Variants in PLA2R1 observed in about 807,000 individuals in gnomAD.
PLA2R1 encodes the protein secretory phospholipase A2 receptor.
A neutral mutation model predicts 195.9 loss-of-function variants in PLA2R1; 158 were observed. The ratio of observed to expected loss-of-function variants is 0.81; its 90% CI spans 0.71 to 0.92. The LOEUF (loss-of-function observed/expected upper bound fraction) is 0.92, where lower values mean the gene tolerates loss of function less well. Ranked by LOEUF, PLA2R1 falls within the 40% of genes least tolerant of loss-of-function variation. PLA2R1 has a pLI of 0.00. For missense variants in PLA2R1, 1,626 were observed against 1,764.6 expected (o/e 0.92, Z 1.41); for synonymous variants, 586 against 598.2 (o/e 0.98, Z 0.30).
At position 159,955,184 on chromosome 2, in the gene PLA2R1, C is replaced by A; in HGVS notation, c.3301+15G>T. On this transcript the variant is annotated intron_variant, in intron 23 of 29. Coordinates refer to ENST00000283243, the MANE Select transcript of PLA2R1 (RefSeq NM_007366.5). ...CTTTGGAAATGAAAGGAATAAAAACCCAAATATTTCTTACCTTGCATTTTT... is the reference window on the plus strand; with the variant it reads ...CTTTGGAAATGAAAGGAATAAAAACACAAATATTTCTTACCTTGCATTTTT... The A allele has an allele frequency of 6.3e-7, 1 of 1,589,320 alleles. No individual in the cohort carries two copies. The highest frequency in any genetic ancestry group is 2.3e-5 in the East Asian group (1 of 43,694).
chr2:159,976,781 T>C (rs1175597424), intron 15 of PLA2R1, 61 bp from the exon 16 acceptor site: 5 of 1,218,178 alleles, frequency 4.1e-6, no homozygotes, highest in Non-Finnish European at 4.9e-6. Context: ...TGTCTGTGAA[T>C]TACTTCAGCT....
At chr2:159,926,502 G>A in the PLA2R1 span, among the ~76,000 whole-genome samples, 2 of 152,116 alleles carry the variant, frequency 1.3e-5, no homozygotes, top group Admixed American at 1.3e-4. Context: ...CTGAACATGT[G>A]TTTAATTGGA....
In PLA2R1 at chr2:159,987,254, C is replaced by T; in HGVS notation, c.1939G>A (p.Val647Ile). ...FKAMSLCKQP[V>I]ENQEKAEYEE... is the part of the protein sequence containing the mutation. ...TACTCTGCTTTTTCCTGATTTTCAACTGGCTGCTTGCACAAGGACATTGCC... is the reference window on the plus strand; with the variant it reads ...TACTCTGCTTTTTCCTGATTTTCAATTGGCTGCTTGCACAAGGACATTGCC... Residue 647 changes from valine to isoleucine, a missense_variant, in exon 12 of 30, where the codon GTT becomes ATT. By Grantham distance (29) the Val-to-Ile change is conservative. Coordinates refer to ENST00000283243, the MANE Select transcript of PLA2R1 (RefSeq NM_007366.5). The T allele has an allele frequency of 6.2e-7, 1 of 1,613,758 alleles. No individual in the cohort carries two copies. The highest frequency in any genetic ancestry group is 8.5e-7 in the Non-Finnish European group (1 of 1,179,942).
chr2:160,061,243 T>C (rs1695929641), intron 1 of PLA2R1, among the ~76,000 whole-genome samples: 1 of 152,230 alleles, frequency 6.6e-6, no homozygotes, highest in Admixed American at 6.5e-5. Context: ...ATATATGGAC[T>C]TCTGCACTTA....
intron 11 of PLA2R1, among the ~76,000 whole-genome samples, chr2:159,992,623 C>A (rs1021091748): frequency 6.6e-6 from 1 of 150,768 alleles, no homozygotes; most frequent in Non-Finnish European, 1.5e-5. Context: ...CCATCCCCAT[C>A]AAGCTACCAA....
At position 160,028,861 on chromosome 2, in the gene PLA2R1, T is replaced by C. The variant is rs370306908; in HGVS notation, c.944A>G (p.Asn315Ser). 3 of 1,608,596 alleles carry C rather than the reference T, an allele frequency of 1.9e-6. No individual in the cohort carries two copies. The highest frequency in any genetic ancestry group is 2.6e-6 in the Non-Finnish European group (3 of 1,174,930). The change falls in exon 5 of 30, where the codon AAT (asparagine) becomes AGT (serine). Residue 315 changes from asparagine to serine, a missense_variant. Transcript: ENST00000283243. ...AACACTGCGGGTACCTGGGCTCCAATTCAGATAGTTGAGCGGCGTTCCATC... is the reference window on the plus strand; with the variant it reads ...AACACTGCGGGTACCTGGGCTCCAACTCAGATAGTTGAGCGGCGTTCCATC... ...WSDGTPLNYL[N>S]WSPEVNFEPF...
intron 20 of PLA2R1, among the ~76,000 whole-genome samples, chr2:159,957,364 A>AT (rs1328844885): frequency 6.6e-6 from 1 of 151,804 alleles, no homozygotes; most frequent in East Asian, 1.9e-4. Context: ...TTCTTTTTAA[A>AT]TTTTTTTTGA....
chr2:159,997,394 C>T (rs1007992368), intron 11 of PLA2R1, among the ~76,000 whole-genome samples: 6 of 152,102 alleles, frequency 3.9e-5, no homozygotes, highest in African/African-American at 1.4e-4. Context: ...ATAAGTTAGG[C>T]TCTGATAAAA....
At position 159,941,315 on chromosome 2, in the gene PLA2R1, C is replaced by A. The variant is rs1012787953; in HGVS notation, c.*463G>T. 2.6e-5 allele frequency: 4 copies of A among 152,586 alleles called. No homozygotes were observed. The highest frequency in any genetic ancestry group is 9.7e-5 in the African/African-American group (4 of 41,442). The allele number at this position is 152,586 out of a possible 1,614,324, so 9.5% of individuals were successfully genotyped here. Reference sequence around the variant, plus strand: ...TTCAAAAGAAACAACTAAGAATCCTCTCAGAAGCCCTTTCCTTTTCCTCTC... The same window carrying A: ...TTCAAAAGAAACAACTAAGAATCCTATCAGAAGCCCTTTCCTTTTCCTCTC... On this transcript the variant is annotated 3_prime_UTR_variant, in exon 30 of 30. Transcript: ENST00000283243.
intron 7 of PLA2R1, among the ~76,000 whole-genome samples, 178 bp from the exon 8 acceptor site, chr2:160,020,441 C>T (rs1184410476): frequency 6.6e-6 from 1 of 152,114 alleles, no homozygotes; most frequent in East Asian, 1.9e-4. Flanking sequence ...CCCTTCCCTG[C>T]TATGGTTTGA....
Position 159,971,463 on chromosome 2 carries a change from C to CGT in PLA2R1, c.2596-1253_2596-1252dup, listed in dbSNP as rs1237932362. Among the ~76,000 whole-genome samples, 9 of 148,898 alleles carry CGT rather than the reference C, an allele frequency of 6.0e-5. No individual in the cohort carries two copies. In the East Asian group the frequency reaches 7.8e-4, roughly 13 times the overall value. On this transcript the variant is annotated intron_variant, in intron 17 of 29. Transcript: ENST00000283243. ...AGCACTATGTGCATGCATGTGCACA[C>CGT]GTGTGTGCGCGCACACACACACACA...
chr2:159,986,202 C>T (rs180809274), intron 12 of PLA2R1, among the ~76,000 whole-genome samples: 6 of 152,020 alleles, frequency 3.9e-5, no homozygotes, highest in Non-Finnish European at 7.4e-5. Context: ...AAATGCAAAA[C>T]TTTTTGAGCG....
intron 2 of PLA2R1, among the ~76,000 whole-genome samples, chr2:160,043,382 T>C (rs963246018): frequency 2.6e-5 from 4 of 152,074 alleles, no homozygotes; most frequent in Non-Finnish European, 4.4e-5. Flanking sequence ...TCTCAGGGTA[T>C]TGCAATACTC....
intron 10 of PLA2R1, among the ~76,000 whole-genome samples, chr2:160,009,785 G>C (rs1300241987): frequency 6.6e-6 from 1 of 152,142 alleles, no homozygotes; most frequent in Admixed American, 6.5e-5. Flanking sequence ...GAAAACGGTA[G>C]AGCTGTAAAA....
In PLA2R1 at chr2:159,939,083, T is replaced by C. The variant is rs1159210717; in HGVS notation, c.*2695A>G. 1 of 152,194 alleles carries C rather than the reference T, an allele frequency of 6.6e-6. No individual in the cohort carries two copies. Among genetic ancestry groups the C allele is most frequent in the African/African-American group, 2.4e-5 (1 of 41,440 alleles). 9.4% of individuals were successfully genotyped at this position (152,194 alleles called of 1,614,324 possible). ...ATAAATGTAAGGAGTACAAGTGTAA[T>C]TTTGTTACATAAATACAGTATGTAG... On this transcript the variant is annotated 3_prime_UTR_variant, in exon 30 of 30. Coordinates refer to ENST00000283243, the MANE Select transcript of PLA2R1 (RefSeq NM_007366.5).
chr2:160,044,728 C>A, intron 2 of PLA2R1, 46 bp downstream of exon 2: 1 of 1,539,588 alleles, frequency 6.5e-7, no homozygotes, highest in South Asian at 1.2e-5. Flanking sequence ...ATAGGCAAAC[C>A]TTAAAAAAAC....
chr2:160,042,800 C>CGTGT lies in PLA2R1; in HGVS notation c.494-606_494-603dup, dbSNP rs111414981. On this transcript the variant is annotated intron_variant, in intron 2 of 29. Transcript: ENST00000283243. Reference sequence around the variant, plus strand: ...GAAGACAGAGTGGGGTGTGTGTGTGCGTGTGTGTGTGTGTGTGTGTGTGTG... The same window carrying CGTGT: ...GAAGACAGAGTGGGGTGTGTGTGTGCGTGTGTGTGTGTGTGTGTGTGTGTGTGTG... Among the ~76,000 whole-genome samples the CGTGT allele has an allele frequency of 8.2e-3, 986 of 119,686 alleles. 17 individuals carry two copies. Among genetic ancestry groups the CGTGT allele is most frequent in the Middle Eastern group, 0.057 (14 of 244 alleles). The allele number at this position is 119,686 out of a possible 152,430, so 78.5% of individuals were successfully genotyped here.
At chr2:160,012,283 C>A (rs1692414834) in intron 10 of PLA2R1, among the ~76,000 whole-genome samples, 1 of 152,196 alleles carries the variant, frequency 6.6e-6, no homozygotes, top group Admixed American at 6.5e-5. Flanking sequence ...TACCCCGCTT[C>A]TGTCTTCCCC....
intron 20 of PLA2R1, among the ~76,000 whole-genome samples, chr2:159,957,143 T>C (rs942476785): frequency 2.0e-5 from 3 of 152,090 alleles, no homozygotes; most frequent in African/African-American, 4.8e-5. Flanking sequence ...ACTAAGTCTA[T>C]TGGGAAGAGC....
Sources: gnomAD v4.1 joint callset for allele counts (sites outside exome capture counted in the v4.1 genomes callset) on GRCh38, gnomAD v4.1.1 for gene constraint, MANE v1.5 for transcripts, NCBI Gene and HGNC (gene_info 2026-07-23, HGNC 2026-07-21) for gene names.